GNAL: variants seen among roughly 807,000 people sequenced by gnomAD.
GNAL encodes G protein subunit alpha L, also known as guanine nucleotide-binding protein G(olf) subunit alpha.
GNAL carries 18 observed loss-of-function variants against 55.1 expected under a neutral mutation model. The observed-to-expected ratio is 0.33, with a 90% confidence interval of 0.23 to 0.48. The LOEUF (loss-of-function observed/expected upper bound fraction) is 0.48, where lower values mean the gene tolerates loss of function less well. Ranked by LOEUF, GNAL falls within the 20% of genes least tolerant of loss-of-function variation. The pLI, the probability that GNAL is intolerant of heterozygous loss-of-function variation, is 0.99. For synonymous variants in GNAL, 253 were observed against 237.0 expected (o/e 1.07, Z -0.62); for missense variants, 412 against 614.1 (o/e 0.67, Z 3.48).
chr18:11,780,972 C>T (rs2033912352), intron 4 of GNAL, among the ~76,000 whole-genome samples: 1 of 152,206 alleles, frequency 6.6e-6, no homozygotes, highest in Non-Finnish European at 1.5e-5. Flanking sequence ...TAACAGGCTA[C>T]TAATCTGTTA....
At chr18:11,833,483 A>G (rs899193705) in intron 5 of GNAL, 1 of 152,200 alleles carries the variant, frequency 6.6e-6, no homozygotes, top group Admixed American at 6.5e-5. Flanking sequence ...CCCCTGTTAC[A>G]TGTTTCTTTT....
At chr18:11,873,217 T>C (rs2036439021) in intron 10 of GNAL, among the ~76,000 whole-genome samples, 1 of 152,218 alleles carries the variant, frequency 6.6e-6, no homozygotes, top group African/African-American at 2.4e-5. Context: ...CTGGAAAATA[T>C]AGTTAAGATT....
intron 5 of GNAL, among the ~76,000 whole-genome samples, chr18:11,828,982 A>G (rs956259356): frequency 1.3e-5 from 2 of 152,242 alleles, no homozygotes; most frequent in Non-Finnish European, 2.9e-5. Context: ...TGTGACTGAT[A>G]CAGAAACTGA....
intron 4 of GNAL, among the ~76,000 whole-genome samples, chr18:11,769,238 T>G (rs757454354): frequency 1.4e-4 from 20 of 146,174 alleles, no homozygotes; most frequent in Non-Finnish European, 2.5e-4. Context: ...TAATGAAAAA[T>G]AAGGCATGTA....
chr18:11,879,516 C>T (rs1302331126), intron 11 of GNAL, among the ~76,000 whole-genome samples: 1 of 152,170 alleles, frequency 6.6e-6, no homozygotes, highest in East Asian at 1.9e-4. Context: ...TCGCACATGG[C>T]TGCATCCTCC....
Position 11,768,958 on chromosome 18 carries a change from TATATA to T in GNAL, c.624+15019_624+15023del, listed in dbSNP as rs1411101072. On this transcript the variant is annotated intron_variant, in intron 4 of 11. Transcript: ENST00000334049. ...ATATTATATATATTACTATATGTTA[TATATA>T]ATATATTATATATATTATATATTCT... is the stretch of plus-strand genomic sequence containing the variant. Among the ~76,000 whole-genome samples, 9 of 103,716 alleles carry T rather than the reference TATATA, an allele frequency of 8.7e-5. 2 individuals carry two copies. The highest frequency in any genetic ancestry group is 3.5e-4 in the African/African-American group (7 of 19,734). The allele number at this position is 103,716 out of a possible 152,430, so 68.0% of individuals were successfully genotyped here.
chr18:11,729,349 T>C (rs2143434843), intron 1 of GNAL, among the ~76,000 whole-genome samples: 1 of 152,258 alleles, frequency 6.6e-6, no homozygotes, highest in South Asian at 2.1e-4. Context: ...CTAAGCACAG[T>C]GAACCAGCTG....
At chr18:11,735,204 C>T (rs1449274549) in intron 1 of GNAL, among the ~76,000 whole-genome samples, 1 of 151,714 alleles carries the variant, frequency 6.6e-6, no homozygotes, top group East Asian at 2.0e-4. Flanking sequence ...GCTCGCACCA[C>T]CACACCCGTC....
chr18:11,788,156 T>A (rs1482210784), intron 4 of GNAL, among the ~76,000 whole-genome samples: 4 of 152,204 alleles, frequency 2.6e-5, no homozygotes, highest in Non-Finnish European at 5.9e-5. Context: ...TATTCCCAAG[T>A]TGTGCTGTGC....
At chr18:11,760,140 CTGGGTGCGCTACAAACAATCTCCATG>C (rs1274551298) in intron 4 of GNAL, among the ~76,000 whole-genome samples, 7 of 152,132 alleles carry the variant, frequency 4.6e-5, no homozygotes, top group African/African-American at 1.7e-4. Context: ...GCATCTCCTG[CTGGGTGCGCTACAAACAATCTCCATG>C]TGCCTGCTAA....
At chr18:11,842,735 C>G (rs957447699) in intron 5 of GNAL, among the ~76,000 whole-genome samples, 1 of 152,092 alleles carries the variant, frequency 6.6e-6, no homozygotes, top group Non-Finnish European at 1.5e-5. Context: ...ATACAGATGA[C>G]GTTTTGCTTG....
intron 1 of GNAL, among the ~76,000 whole-genome samples, 177 bp downstream of exon 1, chr18:11,690,116 C>G (rs1598395193): frequency 6.7e-6 from 1 of 149,858 alleles, no homozygotes. Context: ...AGCGTTTAAA[C>G]TGTGGGTGGA....
intron 11 of GNAL, among the ~76,000 whole-genome samples, chr18:11,879,270 A>G (rs950690230): frequency 9.9e-5 from 15 of 152,062 alleles, no homozygotes; most frequent in Admixed American, 2.6e-4. Flanking sequence ...TCTGTGGTCC[A>G]AGCAGCTCTC....
At chr18:11,699,351 C>T (rs2031501714) in intron 1 of GNAL, among the ~76,000 whole-genome samples, 2 of 151,772 alleles carry the variant, frequency 1.3e-5, no homozygotes, top group Admixed American at 6.6e-5. Context: ...CCCACCACCA[C>T]ACCTGGCTAA....
In GNAL at chr18:11,822,197, G is replaced by A. The variant is rs544718245; in HGVS notation, c.625-2721G>A. On this transcript the variant is annotated intron_variant, in intron 4 of 11. Transcript: ENST00000334049. ...CAAGATGGGGTTTCTCGGGCGGGGC[G>A]TGGTGGGCGCGCCTGTGGAATCACT... Among the ~76,000 whole-genome samples, 13 of 152,302 alleles carry A rather than the reference G, an allele frequency of 8.5e-5. 1 individual carries two copies. The East Asian group carries it at 2.3e-3, about 27-fold the overall frequency.
At chr18:11,776,856 G>A (rs535879204) in intron 4 of GNAL, among the ~76,000 whole-genome samples, 5 of 152,098 alleles carry the variant, frequency 3.3e-5, no homozygotes, top group South Asian at 4.2e-4. Flanking sequence ...TGTGTGCTGC[G>A]GGTCCCTTTC....
At chr18:11,714,086 G>A (rs960707891) in intron 1 of GNAL, among the ~76,000 whole-genome samples, 3 of 152,204 alleles carry the variant, frequency 2.0e-5, no homozygotes, top group Non-Finnish European at 4.4e-5. Flanking sequence ...CATCACAAAA[G>A]TCAGGGAAGC....
At chr18:11,873,240 T>G (rs999326480) in intron 10 of GNAL, among the ~76,000 whole-genome samples, 2 of 152,244 alleles carry the variant, frequency 1.3e-5, no homozygotes, top group African/African-American at 4.8e-5. Context: ...GAAAATTTAT[T>G]TTTTATCCTC....
At position 11,689,385 on chromosome 18, in the gene GNAL, C is replaced by T. The variant is rs1306702256; in HGVS notation, c.-179C>T. The T allele has an allele frequency of 8.4e-6, 3 of 356,128 alleles. No individual in the cohort carries two copies. Among genetic ancestry groups the T allele is most frequent in the Non-Finnish European group, 1.5e-5 (3 of 199,402 alleles). 22.1% of individuals were successfully genotyped at this position (356,128 alleles called of 1,614,324 possible). A position where few individuals can be genotyped will look rare whatever the true frequency, so the allele number is the denominator to read the frequency against. On this transcript the variant is annotated 5_prime_UTR_variant, in exon 1 of 12. Coordinates refer to ENST00000334049, the MANE Select transcript of GNAL (RefSeq NM_182978.4). ...GCAGTGAGGGGCTGTGGCCCTCGGC[C>T]CCGGCCTGCCGCACCCCCTTCCCGC...
Sources: gnomAD v4.1 joint callset for allele counts (sites outside exome capture counted in the v4.1 genomes callset) on GRCh38, gnomAD v4.1.1 for gene constraint, MANE v1.5 for transcripts, NCBI Gene and HGNC (gene_info 2026-07-23, HGNC 2026-07-21) for gene names.